The following HELLS variants were observed in gnomAD, a reference collection of about 807,000 sequenced individuals.
HELLS encodes the protein helicase, lymphoid specific.
HELLS carries 32 observed loss-of-function variants against 120.0 expected under a neutral mutation model. The observed-to-expected ratio is 0.27, with a 90% CI of 0.20 to 0.36. The LOEUF is 0.36. Ranked by LOEUF, HELLS falls within the 10% of genes least tolerant of loss-of-function variation. The pLI is 1.00. For synonymous variants in HELLS, 341 were observed against 323.4 expected (o/e 1.05, Z -0.58); for missense variants, 650 against 993.4 (o/e 0.65, Z 4.65).
chr10:94,587,551 T>C (rs2134097600), intron 12 of HELLS, among the ~76,000 whole-genome samples: 1 of 152,108 alleles, frequency 6.6e-6, no homozygotes, highest in East Asian at 1.9e-4. Flanking sequence ...CCTCAGCCTC[T>C]TGAGTAGCTG....
downstream of HELLS, among the ~76,000 whole-genome samples, chr10:94,605,206 C>T (rs2134143507): frequency 6.6e-6 from 1 of 151,960 alleles, no homozygotes; most frequent in South Asian, 2.1e-4. Flanking sequence ...CCTCAGCCTC[C>T]TGAGTAGCTA....
chr10:94,607,948 G>A (rs748870290), exon 9 of HELLS: 20 of 426,286 alleles, frequency 4.7e-5, no homozygotes, highest in African/African-American at 1.7e-4. Flanking sequence ...GACTGGTCCC[G>A]AACTGATCTC....
intron 19 of HELLS, among the ~76,000 whole-genome samples, 162 bp from the exon 20 acceptor site, chr10:94,596,698 C>T (rs1456130895): frequency 6.6e-6 from 1 of 152,142 alleles, no homozygotes; most frequent in South Asian, 2.1e-4. Flanking sequence ...ATATCATTTT[C>T]CAGTCCTACC....
chr10:94,612,066 A>G (rs1589775024), exon 10 of HELLS: 1 of 152,180 alleles, frequency 6.6e-6, no homozygotes, highest in Non-Finnish European at 1.5e-5. Context: ...GCCAGAGTCT[A>G]GTCTAAGGGA....
downstream of HELLS, among the ~76,000 whole-genome samples, chr10:94,602,553 G>A (rs1337025414): frequency 6.6e-6 from 1 of 152,154 alleles, no homozygotes; most frequent in Non-Finnish European, 1.5e-5. Context: ...ACATTTCTGT[G>A]TTAGTGTTTA....
chr10:94,587,689 A>C (rs1232881880), intron 12 of HELLS, among the ~76,000 whole-genome samples: 1 of 152,204 alleles, frequency 6.6e-6, no homozygotes, highest in Non-Finnish European at 1.5e-5. Context: ...GGCCTCCCAA[A>C]GTGCTGTGAT....
chr10:94,591,685 T>G (rs1181975922), intron 15 of HELLS, among the ~76,000 whole-genome samples: 1 of 152,188 alleles, frequency 6.6e-6, no homozygotes, highest in African/African-American at 2.4e-5. Context: ...AGGGCAAAAT[T>G]GTCCCCATTT....
chr10:94,574,756 G>A lies in HELLS; in HGVS notation c.888+20G>A. ...CCAGATGTAAGACATGCTTCCTTATGTTAAAATTATAATTTTACATGTTTT... is the reference window on the plus strand; with the variant it reads ...CCAGATGTAAGACATGCTTCCTTATATTAAAATTATAATTTTACATGTTTT... On this transcript the variant is annotated intron_variant, in intron 9 of 21. Transcript: ENST00000348459. 6.4e-7 allele frequency: 1 copy of A among 1,573,814 alleles called. No homozygotes were observed. Among genetic ancestry groups the A allele is most frequent in the South Asian group, 1.2e-5 (1 of 86,600 alleles).
exon 10 of HELLS, chr10:94,611,506 A>C (rs1307295878): frequency 6.6e-6 from 1 of 152,218 alleles, no homozygotes; most frequent in Non-Finnish European, 1.5e-5. Flanking sequence ...AGAAGAGCCA[A>C]AATTCAAACC....
chr10:94,604,412 G>A (rs982674361), downstream of HELLS, among the ~76,000 whole-genome samples: 1 of 151,944 alleles, frequency 6.6e-6, no homozygotes, highest in Non-Finnish European at 1.5e-5. Flanking sequence ...GAGCCAATGC[G>A]CCCAGCCTAC....
chr10:94,606,511 TAAAAAAAA>T, downstream of HELLS, among the ~76,000 whole-genome samples: 1 of 143,088 alleles, frequency 7.0e-6, no homozygotes, highest in East Asian at 2.0e-4. Context: ...CCAGATAATT[TAAAAAAAA>T]AAAAAAAATT....
rs1243398670 is a variant in HELLS, at chr10:94,592,379, A to G, written c.1852-16A>G. 6.3e-7 allele frequency: 1 copy of G among 1,579,954 alleles called. No individual in the cohort carries two copies. Among genetic ancestry groups the G allele is most frequent in the Non-Finnish European group, 8.6e-7 (1 of 1,165,368 alleles). On this transcript the variant is annotated splice_polypyrimidine_tract_variant and intron_variant, in intron 16 of 21. Transcript: ENST00000348459. Reference sequence around the variant, plus strand: ...TTTATCAATCATTAGAAATATTAAGATATGTTTAATTTCAGGTGCTGCTTT... The same window carrying G: ...TTTATCAATCATTAGAAATATTAAGGTATGTTTAATTTCAGGTGCTGCTTT...
Position 94,574,737 on chromosome 10 carries a change from G to A in HELLS, c.888+1G>A. ...TGAATTCAAAAGATTTACACCAGAT[G>A]TAAGACATGCTTCCTTATGTTAAAA... On this transcript the variant is annotated splice_donor_variant, in intron 9 of 21. Coordinates refer to ENST00000348459, the MANE Select transcript of HELLS (RefSeq NM_018063.5). LOFTEE classifies it high-confidence loss of function. The A allele has an allele frequency of 6.2e-7, 1 of 1,605,678 alleles. No homozygotes were observed. The highest frequency in any genetic ancestry group is 8.5e-7 in the Non-Finnish European group (1 of 1,174,668).
At chr10:94,583,569 T>A (rs766248096) in intron 12 of HELLS, among the ~76,000 whole-genome samples, 2 of 152,136 alleles carry the variant, frequency 1.3e-5, no homozygotes, top group Non-Finnish European at 2.9e-5. Context: ...AGTTTATACA[T>A]GTTCATGAGA....
chr10:94,580,181 ACACATTT>A (rs1844792891), intron 10 of HELLS, among the ~76,000 whole-genome samples: 1 of 102,906 alleles, frequency 9.7e-6, no homozygotes, highest in African/African-American at 3.9e-5. Context: ...ACACACACAC[ACACATTT>A]TTTTTTTTTT....
At chr10:94,556,445 C>T (rs780727948) in intron 3 of HELLS, among the ~76,000 whole-genome samples, 1 of 151,932 alleles carries the variant, frequency 6.6e-6, no homozygotes, top group Non-Finnish European at 1.5e-5. Flanking sequence ...TAAGAAATGT[C>T]GTTATTGGGG....
At chr10:94,567,219 T>C (rs1050505721) in intron 6 of HELLS, among the ~76,000 whole-genome samples, 1 of 152,176 alleles carries the variant, frequency 6.6e-6, no homozygotes, top group African/African-American at 2.4e-5. Context: ...CTTTCAATTA[T>C]AGATACATTG....
chr10:94,553,986 C>A, intron 2 of HELLS, 140 bp from the exon 3 acceptor site: 32 of 572,538 alleles, frequency 5.6e-5, no homozygotes, highest in East Asian at 2.2e-4. Context: ...TTTTTTTTAA[C>A]AGTTATTTGT....
chr10:94,597,985 G>C (rs913922713), intron 21 of HELLS, among the ~76,000 whole-genome samples: 1 of 151,418 alleles, frequency 6.6e-6, no homozygotes, highest in Non-Finnish European at 1.5e-5. Flanking sequence ...AGATAGAAGA[G>C]AGCCAGGATA....
Sources: allele counts gnomAD v4.1 joint callset (sites outside exome capture counted in the v4.1 genomes callset), GRCh38; gene constraint gnomAD v4.1.1; transcripts MANE v1.5; gene names NCBI Gene and HGNC (gene_info 2026-07-23, HGNC 2026-07-21).